ATXN7: variants seen among roughly 807,000 people sequenced by gnomAD.
ATXN7 encodes the protein ataxin-7.
Under a neutral mutation model 70.5 loss-of-function variants are expected in ATXN7, and 12 were observed. That is an observed-to-expected ratio of 0.17 (90% CI 0.11 to 0.28). ATXN7 has a LOEUF of 0.28. ATXN7 is among the 10% of genes least tolerant of loss of function. The probability of loss-of-function intolerance (pLI) is 1.00; values close to 1 mark genes in which losing one functional copy is unlikely to be tolerated. For synonymous variants in ATXN7, 498 were observed against 448.7 expected, an observed-to-expected ratio of 1.11 and a Z score of -1.39; for missense variants, 1,256 against 1,131.7, an observed-to-expected ratio of 1.11 and a Z score of -1.58.
chr3:63,962,010 A>G (rs963989424), intron 5 of ATXN7, among the ~76,000 whole-genome samples: 3 of 152,158 alleles, frequency 2.0e-5, no homozygotes, highest in African/African-American at 7.2e-5. Flanking sequence ...TGACCAGAAG[A>G]GGGAGTTTTT....
rs1479052734 is a variant in ATXN7, at chr3:64,002,461, CTTTT to C, written c.*2995_*2998del. 6.6e-6 allele frequency: 1 copy of C among 151,954 alleles called. No homozygotes were observed. The highest frequency in any genetic ancestry group is 1.5e-5 in the Non-Finnish European group (1 of 67,970). 9.4% of individuals were successfully genotyped at this position (151,954 alleles called of 1,614,324 possible). A position where few individuals can be genotyped will look rare whatever the true frequency, so the allele number is the denominator to read the frequency against. ...TGTAACTAAGTGACACACTGCTTTT[CTTTT>C]GTTAGTATTTTATGTGTGGGAGTAT... On this transcript the variant is annotated 3_prime_UTR_variant, in exon 13 of 13. Coordinates refer to ENST00000674280, the MANE Select transcript of ATXN7 (RefSeq NM_001377405.1).
intron 5 of ATXN7, 128 bp from the exon 6 acceptor site, chr3:63,979,787 G>C: frequency 7.5e-7 from 1 of 1,329,190 alleles, no homozygotes; most frequent in Non-Finnish European, 1.0e-6. Flanking sequence ...AGTCTGCTGA[G>C]TTTAACATAC....
At chr3:63,945,957 C>T (rs2074851842) in intron 4 of ATXN7, among the ~76,000 whole-genome samples, 1 of 152,156 alleles carries the variant, frequency 6.6e-6, no homozygotes, top group African/African-American at 2.4e-5. Flanking sequence ...CCAGAGTAAC[C>T]AGATGCAGAG....
intron 2 of ATXN7, chr3:63,911,747 G>C (rs905802777): frequency 6.6e-6 from 1 of 152,242 alleles, no homozygotes; most frequent in Non-Finnish European, 1.5e-5. Context: ...GGGCGGCGTG[G>C]CGTGCACACG....
At chr3:63,953,976 A>T (rs1330358826) in intron 5 of ATXN7, among the ~76,000 whole-genome samples, 1 of 152,134 alleles carries the variant, frequency 6.6e-6, no homozygotes, top group Non-Finnish European at 1.5e-5. Context: ...GAATTTACAG[A>T]TCTTGGCTGT....
At chr3:63,944,964 G>A (rs2074835068) in intron 4 of ATXN7, among the ~76,000 whole-genome samples, 1 of 152,088 alleles carries the variant, frequency 6.6e-6, no homozygotes, top group Non-Finnish European at 1.5e-5. Context: ...ACTAATTTTT[G>A]TAATTTTAGT....
chr3:63,947,188 G>A (rs1257541094), intron 4 of ATXN7, among the ~76,000 whole-genome samples: 1 of 152,128 alleles, frequency 6.6e-6, no homozygotes, highest in Non-Finnish European at 1.5e-5. Context: ...CACTTCCTAG[G>A]GCCAGGTGCA....
At chr3:63,915,177 C>G (rs1031720008) in intron 4 of ATXN7, among the ~76,000 whole-genome samples, 10 of 152,200 alleles carry the variant, frequency 6.6e-5, no homozygotes, top group African/African-American at 2.4e-4. Flanking sequence ...CCTCGTGACC[C>G]ACCTGCCTCG....
chr3:63,998,243 T>G (rs2075792049), intron 12 of ATXN7: 1 of 698,050 alleles, frequency 1.4e-6, no homozygotes, highest in Admixed American at 7.0e-5. Context: ...TGACAGTGCC[T>G]ACTAGAAATT....
intron 12 of ATXN7, chr3:63,998,245 C>T (rs1362475107): frequency 1.3e-5 from 13 of 975,144 alleles, no homozygotes; most frequent in Non-Finnish European, 1.6e-5. Flanking sequence ...ACAGTGCCTA[C>T]TAGAAATTGG....
intron 4 of ATXN7, among the ~76,000 whole-genome samples, chr3:63,949,799 G>T (rs927124909): frequency 3.9e-5 from 6 of 152,168 alleles, no homozygotes; most frequent in Non-Finnish European, 7.4e-5. Context: ...GAGAGATTCA[G>T]TGTGCTCATG....
intron 4 of ATXN7, among the ~76,000 whole-genome samples, chr3:63,936,237 G>A (rs1016327613): frequency 1.2e-4 from 18 of 152,058 alleles, no homozygotes; most frequent in African/African-American, 4.1e-4. Flanking sequence ...TGTGATTCCG[G>A]TATTTAATTA....
chr3:63,964,677 A>G (rs1658508965), intron 5 of ATXN7, among the ~76,000 whole-genome samples: 1 of 152,146 alleles, frequency 6.6e-6, no homozygotes, highest in Non-Finnish European at 1.5e-5. Flanking sequence ...TTTAAATTTC[A>G]TCTCCCACCT....
chr3:63,874,500 G>A (rs988964290), intron 1 of ATXN7, among the ~76,000 whole-genome samples: 1 of 152,206 alleles, frequency 6.6e-6, no homozygotes, highest in Non-Finnish European at 1.5e-5. Flanking sequence ...GCATTTGCAC[G>A]TATGTTCTCC....
rs1163612015 is a variant in ATXN7 at position 63,863,887 on chromosome 3, G to C, written c.-382G>C. 1.7e-6 allele frequency: 2 copies of C among 1,151,350 alleles called. No individual in the cohort carries two copies. Among genetic ancestry groups the C allele is most frequent in the Non-Finnish European group, 2.1e-6 (2 of 938,862 alleles). 71.3% of individuals were successfully genotyped at this position (1,151,350 alleles called of 1,614,324 possible). ...CTCCCACAATGCAGCCGGGTAAACAGCCATGGAGGAGGAGGCGGCGGCGCC... is the reference window on the plus strand; with the variant it reads ...CTCCCACAATGCAGCCGGGTAAACACCCATGGAGGAGGAGGCGGCGGCGCC... On this transcript the variant is annotated 5_prime_UTR_variant, in exon 1 of 13. Transcript: ENST00000674280.
At chr3:63,886,137 A>G (rs987793868) in intron 1 of ATXN7, among the ~76,000 whole-genome samples, 2 of 152,246 alleles carry the variant, frequency 1.3e-5, no homozygotes, top group Non-Finnish European at 2.9e-5. Flanking sequence ...ATTAAGTGAA[A>G]TAAGCCAGAC....
intron 4 of ATXN7, among the ~76,000 whole-genome samples, chr3:63,932,064 A>G (rs2074558107): frequency 6.6e-6 from 1 of 152,174 alleles, no homozygotes; most frequent in South Asian, 2.1e-4. Context: ...AGCCCTCATG[A>G]CTCAATAGTG....
At chr3:63,950,684 ATGTATATCAT>A (rs1278070111) in intron 4 of ATXN7, among the ~76,000 whole-genome samples, 1 of 152,212 alleles carries the variant, frequency 6.6e-6, no homozygotes, top group Non-Finnish European at 1.5e-5. Context: ...GACTTATTAC[ATGTATATCAT>A]TGCATAGATA....
At chr3:63,920,810 A>AT (rs1704483688) in intron 4 of ATXN7, among the ~76,000 whole-genome samples, 1 of 152,244 alleles carries the variant, frequency 6.6e-6, no homozygotes, top group Non-Finnish European at 1.5e-5. Context: ...ATTAAAAAAA[A>AT]TTCCTTTAGA....
Sources: allele counts gnomAD v4.1 joint callset (sites outside exome capture counted in the v4.1 genomes callset), GRCh38; gene constraint gnomAD v4.1.1; transcripts MANE v1.5; gene names NCBI Gene and HGNC (gene_info 2026-07-23, HGNC 2026-07-21).